Variants in PKN2 observed in about 807,000 individuals in gnomAD.
PKN2 encodes protein kinase N2.
A neutral mutation model predicts 119.1 loss-of-function variants in PKN2; 38 were observed. The ratio of observed to expected loss-of-function variants is 0.32; its 90% CI spans 0.25 to 0.42. PKN2 has a LOEUF of 0.42. Among genes scored for constraint, PKN2 ranks in the 10% least tolerant of loss-of-function variants. The probability of loss-of-function intolerance (pLI) is 1.00; values close to 1 mark genes in which losing one functional copy is unlikely to be tolerated. For missense variants in PKN2, 850 were observed against 1,165.1 expected (o/e 0.73, Z 3.94); for synonymous variants, 390 against 384.9 (o/e 1.01, Z -0.15).
At position 88,835,981 on chromosome 1, in the gene PKN2, T is replaced by C. The variant is rs1409656233; in HGVS notation, c.*2533T>C. ...CATTCAGAGCAAACTGTCCACTTCA[T>C]TGGGAATAATGGGAAAAGTTTGTAT... On this transcript the variant is annotated 3_prime_UTR_variant, in exon 22 of 22. Transcript: ENST00000370521. 2 of 152,134 alleles carry C rather than the reference T, an allele frequency of 1.3e-5. No homozygotes were observed. The highest frequency in any genetic ancestry group is 2.4e-5 in the African/African-American group (1 of 41,452). 9.4% of individuals were successfully genotyped at this position (152,134 alleles called of 1,614,324 possible).
intron 1 of PKN2, among the ~76,000 whole-genome samples, chr1:88,717,497 T>C (rs1667502223): frequency 6.6e-6 from 1 of 152,068 alleles, no homozygotes; most frequent in African/African-American, 2.4e-5. Flanking sequence ...TTCGTTTCTT[T>C]TTATTCTTTT....
intron 15 of PKN2, among the ~76,000 whole-genome samples, chr1:88,813,307 T>C (rs1370106918): frequency 1.3e-5 from 2 of 152,182 alleles, no homozygotes; most frequent in African/African-American, 2.4e-5. Context: ...CCACTAACCA[T>C]GTATGTGCTA....
intron 1 of PKN2, among the ~76,000 whole-genome samples, chr1:88,720,924 G>T (rs1453541532): frequency 6.6e-6 from 1 of 152,074 alleles, no homozygotes; most frequent in African/African-American, 2.4e-5. Context: ...AGTTGTCTCC[G>T]ATTCTATCCA....
intron 4 of PKN2, 108 bp downstream of exon 4, chr1:88,770,577 C>CTTTTTTTTTTTTTTTTT (rs775781394): frequency 2.4e-6 from 1 of 413,380 alleles, no homozygotes. Flanking sequence ...ATTACTATTA[C>CTTTTTTTTTTTTTTTTT]TTTTTTTTTT....
intron 15 of PKN2, among the ~76,000 whole-genome samples, chr1:88,811,343 T>G (rs1671776121): frequency 6.6e-6 from 1 of 152,236 alleles, no homozygotes. Context: ...TTCCCCTGAC[T>G]AAAATAACTA....
At chr1:88,718,448 C>T (rs569228291) in intron 1 of PKN2, among the ~76,000 whole-genome samples, 4 of 152,114 alleles carry the variant, frequency 2.6e-5, no homozygotes, top group Non-Finnish European at 5.9e-5. Flanking sequence ...AGGCAGGCCT[C>T]GTTCAGTAGT....
At chr1:88,718,905 C>CAAAT (rs971409222) in intron 1 of PKN2, among the ~76,000 whole-genome samples, 3 of 151,996 alleles carry the variant, frequency 2.0e-5, no homozygotes, top group South Asian at 2.1e-4. Flanking sequence ...GACCAGCCAT[C>CAAAT]AAATAAATAA....
At chr1:88,791,211 G>A (rs936651211) in intron 8 of PKN2, among the ~76,000 whole-genome samples, 1 of 152,100 alleles carries the variant, frequency 6.6e-6, no homozygotes, top group Non-Finnish European at 1.5e-5. Flanking sequence ...GCCGAAGTGG[G>A]CAGATCACTT....
rs1672842647 is a variant in PKN2, at chr1:88,834,034, T to C, written c.*586T>C. 1 of 152,122 alleles carries C rather than the reference T, an allele frequency of 6.6e-6. No homozygotes were observed. The highest frequency in any genetic ancestry group is 6.6e-5 in the Admixed American group (1 of 15,252). 9.4% of individuals were successfully genotyped at this position (152,122 alleles called of 1,614,324 possible). A position where few individuals can be genotyped will look rare whatever the true frequency, so the allele number is the denominator to read the frequency against. On this transcript the variant is annotated 3_prime_UTR_variant, in exon 22 of 22. Coordinates refer to ENST00000370521, the MANE Select transcript of PKN2 (RefSeq NM_006256.4). ...TGTCTTATTTTATAAATGTTCTATA[T>C]TTATTAGGAGAAAACTTTATATTGC...
At chr1:88,809,601 G>T (rs1671697290) in intron 15 of PKN2, among the ~76,000 whole-genome samples, 1 of 152,144 alleles carries the variant, frequency 6.6e-6, no homozygotes, top group African/African-American at 2.4e-5. Flanking sequence ...CCAGAATCTA[G>T]GCCATTACCT....
intron 2 of PKN2, among the ~76,000 whole-genome samples, chr1:88,753,345 A>T (rs1570579319): frequency 6.6e-6 from 1 of 152,298 alleles, no homozygotes; most frequent in East Asian, 1.9e-4. Flanking sequence ...TTCTTCCCAG[A>T]GTACATCCTT....
At chr1:88,752,061 TGAAATGTA>T (rs1669023579) in intron 2 of PKN2, among the ~76,000 whole-genome samples, 1 of 152,194 alleles carries the variant, frequency 6.6e-6, no homozygotes, top group African/African-American at 2.4e-5. Context: ...TTCTTAAATC[TGAAATGTA>T]TGTATTTCAT....
At chr1:88,832,431 G>A (rs796317833) in intron 19 of PKN2, among the ~76,000 whole-genome samples, 1 of 151,964 alleles carries the variant, frequency 6.6e-6, no homozygotes, top group African/African-American at 2.4e-5. Context: ...ATGGAATGGA[G>A]TGGAATGAAA....
At chr1:88,709,651 T>C (rs752820031) in intron 1 of PKN2, among the ~76,000 whole-genome samples, 1 of 152,160 alleles carries the variant, frequency 6.6e-6, no homozygotes, top group South Asian at 2.1e-4. Context: ...TGAGTAAAAA[T>C]ATACAGGTTA....
At position 88,804,553 on chromosome 1, in the gene PKN2, T is replaced by C; in HGVS notation, c.1425+19T>C. 6.3e-7 allele frequency: 1 copy of C among 1,596,050 alleles called. No individual in the cohort carries two copies. The highest frequency in any genetic ancestry group is 8.6e-7 in the Non-Finnish European group (1 of 1,164,586). ...TGCAGAGGTAATAAATGTATTTTAT[T>C]AAATGTGCATAACTACAATTGAAAT... is the stretch of plus-strand genomic sequence containing the variant. On this transcript the variant is annotated intron_variant, in intron 9 of 21. Transcript: ENST00000370521.
chr1:88,781,444 C>G (rs963415819), intron 6 of PKN2, among the ~76,000 whole-genome samples: 2 of 148,902 alleles, frequency 1.3e-5, no homozygotes, highest in Admixed American at 6.6e-5. Context: ...GTTTTCCAGA[C>G]AGTTGAAAGA....
intron 1 of PKN2, among the ~76,000 whole-genome samples, chr1:88,738,654 G>C (rs1473754744): frequency 6.6e-6 from 1 of 152,198 alleles, no homozygotes; most frequent in East Asian, 1.9e-4. Context: ...GATATTAAGA[G>C]TACCATGAAC....
intron 1 of PKN2, among the ~76,000 whole-genome samples, chr1:88,721,117 T>G (rs1214306840): frequency 6.6e-6 from 1 of 152,160 alleles, no homozygotes; most frequent in Non-Finnish European, 1.5e-5. Context: ...TAATGACTTT[T>G]TTTTTCGTCT....
rs886949939 is a variant in PKN2, at chr1:88,770,687, G to A, written c.622+218G>A. On this transcript the variant is annotated intron_variant, in intron 4 of 21. Transcript: ENST00000370521. Reference sequence around the variant, plus strand: ...TGCAAGCTCCGCCTCCCGGGTTCACGCCATTCTCCTGCCTCAGCCTCCCAA... The same window carrying A: ...TGCAAGCTCCGCCTCCCGGGTTCACACCATTCTCCTGCCTCAGCCTCCCAA... Among the ~76,000 whole-genome samples the A allele has an allele frequency of 8.0e-5, 12 of 150,118 alleles. No homozygotes were observed. The East Asian group carries it at 1.6e-3, about 20-fold the overall frequency.
Sources: gnomAD v4.1 joint callset for allele counts (sites outside exome capture counted in the v4.1 genomes callset) on GRCh38, gnomAD v4.1.1 for gene constraint, MANE v1.5 for transcripts, NCBI Gene and HGNC (gene_info 2026-07-23, HGNC 2026-07-21) for gene names.